Variants in NRG3 observed in about 807,000 individuals in gnomAD.
NRG3 encodes the protein pro-neuregulin-3, membrane-bound isoform.
Under a neutral mutation model 66.9 loss-of-function variants are expected in NRG3, and 31 were observed. The ratio of observed to expected loss-of-function variants is 0.46; its 90% CI spans 0.35 to 0.63. The LOEUF (loss-of-function observed/expected upper bound fraction) is 0.63, where lower values mean the gene tolerates loss of function less well. Among genes scored for constraint, NRG3 ranks in the 20% least tolerant of loss-of-function variants. The pLI is 0.00. For missense variants in NRG3, 910 were observed against 878.9 expected, an observed-to-expected ratio of 1.04 and a Z score of -0.45; for synonymous variants, 393 against 359.4, an observed-to-expected ratio of 1.09 and a Z score of -1.06.
chr10:82,487,443 A>G (rs1171562035), intron 2 of NRG3, among the ~76,000 whole-genome samples: 1 of 152,104 alleles, frequency 6.6e-6, no homozygotes, highest in African/African-American at 2.4e-5. Context: ...TATTCTGTGA[A>G]CCACCTGAGG....
chr10:82,125,471 T>C (rs938018086), intron 1 of NRG3, among the ~76,000 whole-genome samples: 2 of 152,070 alleles, frequency 1.3e-5, no homozygotes, highest in African/African-American at 4.8e-5. Context: ...ATATTTAACA[T>C]TACTTAAATT....
At chr10:82,216,460 A>ATATATATG (rs1554851844) in intron 1 of NRG3, among the ~76,000 whole-genome samples, 2 of 146,330 alleles carry the variant, frequency 1.4e-5, no homozygotes, top group African/African-American at 5.1e-5. Flanking sequence ...TTTTATATAT[A>ATATATATG]TGTGTGTGTG....
intron 1 of NRG3, among the ~76,000 whole-genome samples, chr10:82,121,953 T>C (rs1336865985): frequency 1.3e-5 from 2 of 152,142 alleles, no homozygotes; most frequent in African/African-American, 2.4e-5. Flanking sequence ...TTACTTCATG[T>C]GACTGTTTTA....
intron 2 of NRG3, among the ~76,000 whole-genome samples, chr10:82,563,793 A>G (rs1010047752): frequency 5.3e-5 from 8 of 152,200 alleles, no homozygotes; most frequent in Admixed American, 2.0e-4. Context: ...AATATACAGT[A>G]CATCATTATT....
rs376279279 is a variant in NRG3, at chr10:82,695,320, T to C, written c.954-43257T>C. 4.8e-4 allele frequency among the ~76,000 whole-genome samples: 73 copies of C among 152,062 alleles called. No individual in the cohort carries two copies. In the South Asian group the frequency reaches 0.012, roughly 25 times the overall value. ...CCGATACTGTAATTTATTAAAATAA[T>C]GAAGAAAAAGGAAAAATATGTACTA... On this transcript the variant is annotated intron_variant, in intron 2 of 8. Coordinates refer to ENST00000372141, the MANE Select transcript of NRG3 (RefSeq NM_001010848.4).
intron 4 of NRG3, among the ~76,000 whole-genome samples, chr10:82,916,355 G>T (rs1845830149): frequency 6.6e-6 from 1 of 152,162 alleles, no homozygotes; most frequent in Non-Finnish European, 1.5e-5. Context: ...AAAAGGCTGA[G>T]GTGGGAGTAA....
chr10:82,915,790 AC>A (rs1207747379), intron 4 of NRG3, among the ~76,000 whole-genome samples: 1 of 152,204 alleles, frequency 6.6e-6, no homozygotes, highest in African/African-American at 2.4e-5. Context: ...TACTCACTAA[AC>A]CTAAAAAATT....
At chr10:82,489,912 C>T (rs180751495) in intron 2 of NRG3, among the ~76,000 whole-genome samples, 11 of 152,238 alleles carry the variant, frequency 7.2e-5, no homozygotes, top group African/African-American at 2.6e-4. Context: ...TTTCCACAGC[C>T]CAGTGCTGTT....
At chr10:82,736,317 G>T (rs1232633098) in intron 2 of NRG3, among the ~76,000 whole-genome samples, 3 of 152,112 alleles carry the variant, frequency 2.0e-5, no homozygotes, top group Non-Finnish European at 4.4e-5. Flanking sequence ...CACTTCACTG[G>T]CATTACCTGC....
intron 1 of NRG3, among the ~76,000 whole-genome samples, chr10:82,337,552 G>A (rs1034377699): frequency 2.0e-5 from 3 of 152,150 alleles, no homozygotes; most frequent in Non-Finnish European, 4.4e-5. Context: ...AACATCTTGA[G>A]GAATGATCAA....
At chr10:82,538,720 C>T (rs1037731066) in intron 2 of NRG3, among the ~76,000 whole-genome samples, 3 of 151,948 alleles carry the variant, frequency 2.0e-5, no homozygotes, top group Non-Finnish European at 4.4e-5. Flanking sequence ...AAATTGTTTT[C>T]TCACAAGGTT....
chr10:82,941,832 T>C (rs1257042637), intron 4 of NRG3, among the ~76,000 whole-genome samples: 2 of 152,188 alleles, frequency 1.3e-5, no homozygotes, highest in Non-Finnish European at 2.9e-5. Flanking sequence ...AATACTTGGA[T>C]AGAAAGGAGC....
rs1389525305 is a variant in NRG3 at position 82,211,952 on chromosome 10, A to C, written c.824-146787A>C. On this transcript the variant is annotated intron_variant, in intron 1 of 8. Transcript: ENST00000372141. Reference sequence around the variant, plus strand: ...GAAAGGCTTGTCCCTTGGGTGACAAAGATTGCTGAGGTTTGATGGAGTGCT... The same window carrying C: ...GAAAGGCTTGTCCCTTGGGTGACAACGATTGCTGAGGTTTGATGGAGTGCT... Among the ~76,000 whole-genome samples, 5 of 152,252 alleles carry C rather than the reference A, an allele frequency of 3.3e-5. No individual in the cohort carries two copies. The East Asian group carries it at 7.7e-4, about 24-fold the overall frequency.
At chr10:82,094,786 A>G (rs560272402) in intron 1 of NRG3, among the ~76,000 whole-genome samples, 1 of 152,346 alleles carries the variant, frequency 6.6e-6, no homozygotes, top group East Asian at 1.9e-4. Flanking sequence ...AACAACTCAG[A>G]AACAGAAAGT....
chr10:82,676,480 G>T (rs1003643891), intron 2 of NRG3, among the ~76,000 whole-genome samples: 15 of 151,850 alleles, frequency 9.9e-5, no homozygotes, highest in Non-Finnish European at 1.3e-4. Flanking sequence ...TCTATTTGTG[G>T]TTTTTTTGTT....
At chr10:82,137,129 A>G (rs896411077) in intron 1 of NRG3, among the ~76,000 whole-genome samples, 3 of 152,122 alleles carry the variant, frequency 2.0e-5, no homozygotes, top group Admixed American at 2.0e-4. Flanking sequence ...CTATTTGGTC[A>G]TCTTGTTCCC....
chr10:82,916,841 C>T (rs1845882588), intron 4 of NRG3, among the ~76,000 whole-genome samples: 1 of 152,180 alleles, frequency 6.6e-6, no homozygotes, highest in Non-Finnish European at 1.5e-5. Flanking sequence ...GTCACAAACT[C>T]CTGACCTCAA....
rs1051312514 is a variant in NRG3, at chr10:82,951,720, A to G, written c.1157+149A>G. ...CAAGTGACTTAGGACATTTTTGTAA[A>G]TTGTGGTGAGTGTGTACAGGCATGT... On this transcript the variant is annotated intron_variant, in intron 5 of 8. Transcript: ENST00000372141. 3.9e-5 allele frequency: 25 copies of G among 647,986 alleles called. No individual in the cohort carries two copies. The African/African-American group carries it at 4.6e-4, about 12-fold the overall frequency. 40.1% of individuals were successfully genotyped at this position (647,986 alleles called of 1,614,324 possible).
chr10:82,425,144 C>T (rs1247448173), intron 2 of NRG3, among the ~76,000 whole-genome samples: 5 of 152,010 alleles, frequency 3.3e-5, no homozygotes, highest in Admixed American at 1.3e-4. Context: ...AAATTCTCTA[C>T]GAACTTAGGA....
Sources: gnomAD v4.1 joint callset for allele counts (sites outside exome capture counted in the v4.1 genomes callset) on GRCh38, gnomAD v4.1.1 for gene constraint, MANE v1.5 for transcripts, NCBI Gene and HGNC (gene_info 2026-07-23, HGNC 2026-07-21) for gene names.